The following EYS variants were observed in gnomAD, a reference collection of about 807,000 sequenced individuals.
The protein encoded by EYS is EGF-like photoreceptor maintenance factor.
EYS carries 250 observed loss-of-function variants against 282.1 expected under a neutral mutation model. The ratio of observed to expected loss-of-function variants is 0.89; its 90% CI spans 0.80 to 0.98. The LOEUF (loss-of-function observed/expected upper bound fraction) is 0.98. EYS is among the 50% of genes least tolerant of loss of function. The pLI is 0.00. For synonymous variants in EYS, 1,355 were observed against 1,282.9 expected (o/e 1.06, Z -1.20); for missense variants, 4,016 against 3,709.0 (o/e 1.08, Z -2.15).
chr6:65,172,174 A>G lies in EYS; in HGVS notation c.2024-114447T>C, dbSNP rs143631639. On this transcript the variant is annotated intron_variant, in intron 12 of 42. Transcript: ENST00000503581. Reference sequence around the variant, plus strand: ...ATTAAGTTGATAATTTATTTTTATGAAAGTTTGTACTTTTGATTAAAATAA... The same window carrying G: ...ATTAAGTTGATAATTTATTTTTATGGAAGTTTGTACTTTTGATTAAAATAA... Among the ~76,000 whole-genome samples, 1,213 of 151,208 alleles carry G rather than the reference A, an allele frequency of 8.0e-3. 11 individuals carry two copies. The highest frequency in any genetic ancestry group is 0.027 in the African/African-American group (1,094 of 41,088).
At chr6:65,638,438 G>A (rs1478948846) in intron 2 of EYS, among the ~76,000 whole-genome samples, 1 of 152,204 alleles carries the variant, frequency 6.6e-6, no homozygotes, top group Non-Finnish European at 1.5e-5. Context: ...ATGAAAAGGA[G>A]AGAAGAGCTG....
At chr6:63,725,687 C>T (rs933265708) in intron 42 of EYS, among the ~76,000 whole-genome samples, 40 of 151,970 alleles carry the variant, frequency 2.6e-4, no homozygotes, top group African/African-American at 9.7e-4. Flanking sequence ...TGAGGTGGAA[C>T]CACTTTGGTC....
intron 40 of EYS, among the ~76,000 whole-genome samples, chr6:63,765,697 T>C (rs1171589788): frequency 6.6e-6 from 1 of 152,042 alleles, no homozygotes; most frequent in African/African-American, 2.4e-5. Flanking sequence ...TAAATTATTA[T>C]TGACTATAGT....
At chr6:65,486,881 G>A (rs538303178) in intron 5 of EYS, among the ~76,000 whole-genome samples, 23 of 152,278 alleles carry the variant, frequency 1.5e-4, no homozygotes, top group African/African-American at 4.6e-4. Flanking sequence ...TCCTTGAAGA[G>A]GTCCTTCACA....
chr6:64,281,995 T>A (rs1195933550), intron 30 of EYS, among the ~76,000 whole-genome samples: 2 of 151,936 alleles, frequency 1.3e-5, no homozygotes, highest in East Asian at 1.9e-4. Flanking sequence ...AAGGGCAGAG[T>A]GGTGAGAGAA....
intron 30 of EYS, among the ~76,000 whole-genome samples, chr6:64,246,607 C>T (rs986207420): frequency 6.6e-6 from 1 of 152,136 alleles, no homozygotes; most frequent in African/African-American, 2.4e-5. Flanking sequence ...CTATAATCAT[C>T]TCCCTTTCTA....
chr6:64,396,168 A>T, intron 28 of EYS, among the ~76,000 whole-genome samples: 1 of 152,188 alleles, frequency 6.6e-6, no homozygotes, highest in South Asian at 2.1e-4. Context: ...TGAATAGTTT[A>T]TTTATTTTCA....
intron 33 of EYS, among the ~76,000 whole-genome samples, chr6:64,024,326 G>A (rs1440892141): frequency 6.6e-6 from 1 of 152,118 alleles, no homozygotes; most frequent in African/African-American, 2.4e-5. Context: ...AGCTACTCTG[G>A]TGGGGACTTG....
chr6:65,221,642 G>A (rs1183206903), intron 12 of EYS, among the ~76,000 whole-genome samples: 2 of 152,206 alleles, frequency 1.3e-5, no homozygotes, highest in Non-Finnish European at 2.9e-5. Flanking sequence ...GAAATGTGGA[G>A]TTGGAGCCCC....
intron 30 of EYS, among the ~76,000 whole-genome samples, chr6:64,298,855 C>A (rs1769130942): frequency 6.6e-6 from 1 of 151,970 alleles, no homozygotes; most frequent in South Asian, 2.1e-4. Context: ...ATATTATATG[C>A]AAATAGTAAC....
chr6:64,929,130 T>C (rs543584689), intron 15 of EYS, among the ~76,000 whole-genome samples: 11 of 152,218 alleles, frequency 7.2e-5, no homozygotes. Context: ...GGGTGGAAAC[T>C]AATTCAATAG....
At chr6:64,387,554 T>G (rs2150424051) in intron 29 of EYS, among the ~76,000 whole-genome samples, 1 of 152,272 alleles carries the variant, frequency 6.6e-6, no homozygotes, top group East Asian at 1.9e-4. Flanking sequence ...AGGCCTTTAT[T>G]TAAAAGCTGT....
intron 1 of EYS, among the ~76,000 whole-genome samples, chr6:65,706,755 C>T (rs1769893079): frequency 6.6e-6 from 1 of 152,138 alleles, no homozygotes; most frequent in Non-Finnish European, 1.5e-5. Context: ...TTGCAATTGA[C>T]ATTTCATGGC....
chr6:65,436,322 T>C (rs532593010), intron 5 of EYS, among the ~76,000 whole-genome samples: 9 of 152,258 alleles, frequency 5.9e-5, no homozygotes, highest in African/African-American at 2.2e-4. Flanking sequence ...ACAGACATTA[T>C]TTTTTTCATC....
intron 8 of EYS, among the ~76,000 whole-genome samples, chr6:65,355,203 C>G (rs1053558082): frequency 1.4e-4 from 22 of 152,046 alleles, no homozygotes; most frequent in Non-Finnish European, 1.5e-4. Context: ...CAGTTTTTAT[C>G]TGTCATGTCC....
intron 26 of EYS, among the ~76,000 whole-genome samples, chr6:64,495,676 G>A (rs918962921): frequency 2.6e-5 from 4 of 151,840 alleles, no homozygotes; most frequent in Non-Finnish European, 4.4e-5. Context: ...AATGAGCAAT[G>A]TAGACAAGAC....
chr6:65,684,869 G>A (rs2130492), intron 1 of EYS, among the ~76,000 whole-genome samples: 54,845 of 151,618 alleles, frequency 0.36, 12,092 homozygotes, highest in Non-Finnish European at 0.49. Flanking sequence ...TTTTTCTTTT[G>A]TCTTCAACCT....
chr6:65,680,116 A>AC (rs61067057), intron 1 of EYS, among the ~76,000 whole-genome samples: 7 of 149,802 alleles, frequency 4.7e-5, no homozygotes, highest in Admixed American at 1.3e-4. Flanking sequence ...ACACACACAC[A>AC]AAGCAAATGT....
At chr6:64,517,880 G>A (rs570752918) in intron 26 of EYS, among the ~76,000 whole-genome samples, 14 of 151,814 alleles carry the variant, frequency 9.2e-5, no homozygotes, top group East Asian at 3.9e-4. Context: ...TTCTTTTTAC[G>A]TGGCAAACAT....
Sources: gnomAD v4.1 joint callset for allele counts (sites outside exome capture counted in the v4.1 genomes callset) on GRCh38, gnomAD v4.1.1 for gene constraint, MANE v1.5 for transcripts, NCBI Gene and HGNC (gene_info 2026-07-23, HGNC 2026-07-21) for gene names.